The following ASH1L variants were observed in gnomAD, a reference collection of about 807,000 sequenced individuals.
The protein encoded by ASH1L is ASH1 like histone lysine methyltransferase.
In ASH1L, 23 loss-of-function variants were observed where a neutral mutation model predicts 269.0. The ratio of observed to expected loss-of-function variants is 0.09; its 90% CI spans 0.06 to 0.12. The LOEUF (loss-of-function observed/expected upper bound fraction) is 0.12. ASH1L is among the 10% of genes least tolerant of loss of function. The probability of loss-of-function intolerance (pLI) is 1.00; values close to 1 mark genes in which losing one functional copy is unlikely to be tolerated. For missense variants in ASH1L, 2,912 were observed against 3,567.8 expected (o/e 0.82, Z 4.68); for synonymous variants, 1,187 against 1,253.5 (o/e 0.95, Z 1.12).
At chr1:155,339,279 A>C (rs1270954551) in intron 26 of ASH1L, 49 bp downstream of exon 26, 2 of 1,556,404 alleles carry the variant, frequency 1.3e-6, no homozygotes, top group African/African-American at 2.7e-5. Context: ...GATCCATTCA[A>C]GCTCTTAGTC....
At chr1:155,394,985 G>A (rs1274939261) in intron 7 of ASH1L, among the ~76,000 whole-genome samples, 1 of 152,102 alleles carries the variant, frequency 6.6e-6, no homozygotes, top group Non-Finnish European at 1.5e-5. Context: ...ACTCAGGCTA[G>A]AGTGCAGTGG....
At chr1:155,370,721 C>A in intron 11 of ASH1L, 56 bp downstream of exon 11, 1 of 1,611,658 alleles carries the variant, frequency 6.2e-7, no homozygotes, top group Non-Finnish European at 8.5e-7. Flanking sequence ...CTTCCATTCT[C>A]CATTCTAATC....
Position 155,357,637 on chromosome 1 carries a change from T to A in ASH1L, c.6908A>T (p.Lys2303Ile). The change falls in exon 14 of 28, where the codon AAA becomes ATA. Residue 2303 changes from lysine to isoleucine, a missense_variant. Lys to Ile is a moderately radical substitution (Grantham distance 102, BLOSUM62 -3). Around this residue, in one of 13 missense-constraint regions of ASH1L, gnomAD observed 309 missense variants for 435.1 expected, o/e 0.71. Coordinates refer to ENST00000392403, the MANE Select transcript of ASH1L (RefSeq NM_018489.3). ...TCTCTTCTCTTTTGACCGTCCAGAT[T>A]TTTTGTGTGTGGCCATGGGCTGGCT... ...KNSQPMATHK[K>I]SGRSKEKRKS... 1.9e-6 allele frequency: 3 copies of A among 1,614,158 alleles called. No homozygotes were observed. In the Admixed American group the frequency reaches 5.0e-5, roughly 27 times the overall value.
intron 2 of ASH1L, among the ~76,000 whole-genome samples, chr1:155,512,819 G>A (rs533116056): frequency 1.3e-5 from 2 of 151,808 alleles, no homozygotes; most frequent in Non-Finnish European, 2.9e-5. Flanking sequence ...CAGCACTTTG[G>A]GGGGCTGAGA....
chr1:155,466,516 A>G lies in ASH1L; in HGVS notation c.4985-6618T>C, dbSNP rs535481651. ...ACAAACAATTTTCTTTCATCTCTGT[A>G]GGTTCACACTTCCTTTATAGGCATA... On this transcript the variant is annotated intron_variant, in intron 3 of 27. Coordinates refer to ENST00000392403, the MANE Select transcript of ASH1L (RefSeq NM_018489.3). 3.7e-4 allele frequency among the ~76,000 whole-genome samples: 56 copies of G among 152,306 alleles called. 1 individual carries two copies. Among genetic ancestry groups the G allele is most frequent in the African/African-American group, 1.2e-3 (50 of 41,568 alleles).
intron 2 of ASH1L, among the ~76,000 whole-genome samples, chr1:155,516,277 A>T (rs148847637): frequency 2.0e-5 from 3 of 152,282 alleles, no homozygotes; most frequent in African/African-American, 7.2e-5. Context: ...TCAGTAGCTA[A>T]CTCACTGAAC....
At chr1:155,446,130 T>A (rs1162398713) in intron 4 of ASH1L, among the ~76,000 whole-genome samples, 1 of 150,610 alleles carries the variant, frequency 6.6e-6, no homozygotes, top group African/African-American at 2.4e-5. Flanking sequence ...ATGATCCATC[T>A]GCCTCGGCCT....
Position 155,562,627 on chromosome 1 carries a change from C to G in ASH1L, c.-574G>C. On this transcript the variant is annotated 5_prime_UTR_variant, in exon 1 of 28. Coordinates refer to ENST00000392403, the MANE Select transcript of ASH1L (RefSeq NM_018489.3). Reference sequence around the variant, plus strand: ...CCGCACGCGTACGAGTGTCTACGGGCTCGTCGCTGGCTGCTCCCACCAACC... The same window carrying G: ...CCGCACGCGTACGAGTGTCTACGGGGTCGTCGCTGGCTGCTCCCACCAACC... The G allele has an allele frequency of 1.3e-6, 2 of 1,526,874 alleles. No homozygotes were observed. The highest frequency in any genetic ancestry group is 1.8e-6 in the Non-Finnish European group (2 of 1,141,004). 94.6% of individuals were successfully genotyped at this position (1,526,874 alleles called of 1,614,324 possible).
intron 2 of ASH1L, among the ~76,000 whole-genome samples, chr1:155,498,337 T>C (rs1397457111): frequency 1.3e-5 from 2 of 151,664 alleles, no homozygotes; most frequent in South Asian, 2.1e-4. Context: ...ACAATGTAAA[T>C]GTACTTAATG....
intron 1 of ASH1L, among the ~76,000 whole-genome samples, chr1:155,551,302 A>G (rs1194017494): frequency 6.6e-6 from 1 of 152,184 alleles, no homozygotes; most frequent in Non-Finnish European, 1.5e-5. Flanking sequence ...TTGTCACATA[A>G]TTGATTCACT....
intron 21 of ASH1L, among the ~76,000 whole-genome samples, chr1:155,345,142 A>C (rs1210266990): frequency 2.1e-5 from 3 of 144,214 alleles, no homozygotes; most frequent in East Asian, 4.1e-4. Flanking sequence ...TTTTTAGTAG[A>C]GACGGGGTTT....
chr1:155,446,300 AT>A (rs35106620), intron 4 of ASH1L, among the ~76,000 whole-genome samples: 2,612 of 139,856 alleles, frequency 0.019, 57 homozygotes, highest in African/African-American at 0.056. Flanking sequence ...AATTAATTAA[AT>A]TTTTTTTTTT....
In ASH1L at chr1:155,540,600, C is replaced by T. The variant is rs554440378; in HGVS notation, c.-99-18982G>A. Among the ~76,000 whole-genome samples, 13 of 152,266 alleles carry T rather than the reference C, an allele frequency of 8.5e-5. No homozygotes were observed. In the South Asian group the frequency reaches 2.1e-3, roughly 24 times the overall value. ...GCCTGGCAACACAGCAAAACCCCAT[C>T]TCTACAAAAAATGCAAAAATTAGCT... On this transcript the variant is annotated intron_variant, in intron 1 of 27. Transcript: ENST00000392403.
chr1:155,390,321 A>C (rs972516664), intron 7 of ASH1L, among the ~76,000 whole-genome samples: 1 of 152,212 alleles, frequency 6.6e-6, no homozygotes, highest in African/African-American at 2.4e-5. Flanking sequence ...AATAGTCTAG[A>C]TCTTTTAAAT....
At chr1:155,537,814 G>A (rs1421181414) in intron 1 of ASH1L, among the ~76,000 whole-genome samples, 1 of 151,738 alleles carries the variant, frequency 6.6e-6, no homozygotes, top group East Asian at 1.9e-4. Context: ...CAAAAAGGCA[G>A]TACTAAGAAA....
chr1:155,433,121 G>C, intron 5 of ASH1L: 1 of 1,395,246 alleles, frequency 7.2e-7, no homozygotes. Context: ...CTGATAGAAA[G>C]GAATATAAAA....
chr1:155,402,169 C>T (rs975973726), intron 6 of ASH1L, among the ~76,000 whole-genome samples: 5 of 151,958 alleles, frequency 3.3e-5, no homozygotes, highest in Non-Finnish European at 7.4e-5. Flanking sequence ...AACAAACAAA[C>T]AAACATCATA....
intron 2 of ASH1L, among the ~76,000 whole-genome samples, chr1:155,491,301 T>C (rs1392143556): frequency 6.6e-6 from 1 of 152,182 alleles, no homozygotes; most frequent in African/African-American, 2.4e-5. Context: ...TATTAAAAAG[T>C]GAAAGGCCCA....
chr1:155,429,756 T>A (rs954907750), intron 5 of ASH1L, among the ~76,000 whole-genome samples: 1 of 152,168 alleles, frequency 6.6e-6, no homozygotes, highest in Admixed American at 6.6e-5. Flanking sequence ...GGGTACGACC[T>A]CTACAGAAAA....
Sources: gnomAD v4.1 joint callset for allele counts (sites outside exome capture counted in the v4.1 genomes callset) on GRCh38, gnomAD v4.1.1 for gene constraint, gnomAD v4.1.1 regional missense constraint, MANE v1.5 for transcripts, NCBI Gene and HGNC (gene_info 2026-07-23, HGNC 2026-07-21) for gene names.